Variants in C9orf85 observed in about 807,000 individuals in gnomAD.
The protein encoded by C9orf85 is chromosome 9 open reading frame 85, also known as uncharacterized protein C9orf85.
In C9orf85, 16 loss-of-function variants were observed where a neutral mutation model predicts 14.9. The ratio of observed to expected loss-of-function variants is 1.08; its 90% CI spans 0.73 to 1.63. The LOEUF is 1.63. C9orf85 is among the 40% of genes most tolerant of loss of function. The probability of loss-of-function intolerance (pLI) is 0.00; values close to 1 mark genes in which losing one functional copy is unlikely to be tolerated. For missense variants in C9orf85, 172 were observed against 186.1 expected (o/e 0.92, Z 0.44); for synonymous variants, 45 against 56.8 (o/e 0.79, Z 0.93).
intron 1 of C9orf85, among the ~76,000 whole-genome samples, chr9:71,944,536 T>A (rs1235911372): frequency 6.6e-6 from 1 of 152,072 alleles, no homozygotes; most frequent in African/African-American, 2.4e-5. Context: ...TTAACCTTAA[T>A]TACCTATGAT....
At chr9:71,930,347 T>A (rs1033097400) in intron 1 of C9orf85, among the ~76,000 whole-genome samples, 2 of 152,130 alleles carry the variant, frequency 1.3e-5, no homozygotes, top group African/African-American at 4.8e-5. Context: ...TATAGCTATA[T>A]TTCCTTTAAT....
chr9:71,918,449 G>T, intron 1 of C9orf85: 2 of 1,303,156 alleles, frequency 1.5e-6, no homozygotes, highest in South Asian at 2.5e-5. Flanking sequence ...CTCTAGTCAT[G>T]ATGTTTGAGT....
chr9:71,980,084 G>A (rs1222275750), intron 3 of C9orf85, among the ~76,000 whole-genome samples: 1 of 150,144 alleles, frequency 6.7e-6, no homozygotes, highest in African/African-American at 2.5e-5. Context: ...CACAATCTCG[G>A]CTCACTGCAA....
intron 2 of C9orf85, among the ~76,000 whole-genome samples, chr9:71,956,532 G>A (rs7019231): frequency 0.99 from 151,325 of 152,200 alleles, 75,238 homozygotes; most frequent in Middle Eastern, 1. Context: ...TACAGGTGTG[G>A]ACCACTGCAC....
At chr9:71,937,647 T>G (rs1828223649) in intron 1 of C9orf85, among the ~76,000 whole-genome samples, 1 of 152,216 alleles carries the variant, frequency 6.6e-6, no homozygotes, top group South Asian at 2.1e-4. Context: ...TTGTTATTGG[T>G]GTTTTAAAAA....
chr9:71,913,936 A>T lies in C9orf85; in HGVS notation c.102+2100A>T, dbSNP rs186996480. Among the ~76,000 whole-genome samples, 260 of 152,292 alleles carry T rather than the reference A, an allele frequency of 1.7e-3. 2 individuals carry two copies. Among genetic ancestry groups the T allele is most frequent in the African/African-American group, 5.9e-3 (247 of 41,560 alleles). ...AAGTTATGAAAAAGTCTCATTTGTTAATCAGGAGGACCACCAGGCCACTTC... is the reference window on the plus strand; with the variant it reads ...AAGTTATGAAAAAGTCTCATTTGTTTATCAGGAGGACCACCAGGCCACTTC... On this transcript the variant is annotated intron_variant, in intron 1 of 3. Transcript: ENST00000334731.
chr9:71,966,914 A>G (rs560912408), intron 2 of C9orf85, among the ~76,000 whole-genome samples: 1 of 152,236 alleles, frequency 6.6e-6, no homozygotes, highest in Non-Finnish European at 1.5e-5. Context: ...GCCTGTTTAT[A>G]TCTGTTGTTT....
Position 71,911,681 on chromosome 9 carries a change from C to A in C9orf85, c.-54C>A. On this transcript the variant is annotated 5_prime_UTR_variant, in exon 1 of 4. Transcript: ENST00000334731. ...TTCCTGGGAGTAGTTCGTTGGTTTT[C>A]TTTCCCCTCATCCTTTTGCCTGCTC... The A allele has an allele frequency of 6.7e-7, 1 of 1,498,262 alleles. No homozygotes were observed. The highest frequency in any genetic ancestry group is 2.3e-5 in the East Asian group (1 of 44,340). The allele number at this position is 1,498,262 out of a possible 1,614,324, so 92.8% of individuals were successfully genotyped here.
At chr9:71,974,227 ATATTTTT>A (rs1009335179), downstream of C9orf85, among the ~76,000 whole-genome samples, 2 of 139,174 alleles carry the variant, frequency 1.4e-5, no homozygotes, top group Non-Finnish European at 1.5e-5. Flanking sequence ...ATGCCAGGCC[ATATTTTT>A]TATTTTTTAT....
rs60432625 is a variant in C9orf85 at position 71,956,242 on chromosome 9, GTTTTTTT to G, written c.209+9149_209+9155del. Among the ~76,000 whole-genome samples the G allele has an allele frequency of 3.3e-4, 17 of 51,014 alleles. 1 individual carries two copies. The highest frequency in any genetic ancestry group is 1.1e-4 in the Non-Finnish European group (3 of 26,826). The allele number at this position is 51,014 out of a possible 152,430, so 33.5% of individuals were successfully genotyped here. A position where few individuals can be genotyped will look rare whatever the true frequency, so the allele number is the denominator to read the frequency against. ...TGGTAATAGGAAGGGGAATGCAAAA[GTTTTTTT>G]TTTTTTTTTTTTTTTTTTGAGACAG... is the stretch of plus-strand genomic sequence containing the variant. On this transcript the variant is annotated intron_variant, in intron 2 of 3. Coordinates refer to ENST00000334731, the MANE Select transcript of C9orf85 (RefSeq NM_182505.5).
intron 2 of C9orf85, among the ~76,000 whole-genome samples, chr9:71,958,446 G>C (rs2132331460): frequency 6.6e-6 from 1 of 151,710 alleles, no homozygotes. Flanking sequence ...ATTTTTAGTA[G>C]AGACAGGGTT....
At chr9:71,957,429 TACTC>T (rs1822407879) in intron 2 of C9orf85, among the ~76,000 whole-genome samples, 1 of 152,188 alleles carries the variant, frequency 6.6e-6, no homozygotes, top group African/African-American at 2.4e-5. Flanking sequence ...AATATCATAT[TACTC>T]AGTGAAAAAC....
intron 2 of C9orf85, among the ~76,000 whole-genome samples, chr9:71,951,577 T>C (rs1822247434): frequency 6.6e-6 from 1 of 152,134 alleles, no homozygotes; most frequent in African/African-American, 2.4e-5. Context: ...GCTGTCAGTA[T>C]CTCCCTTGAC....
At chr9:71,936,458 CT>C (rs66907913) in intron 1 of C9orf85, among the ~76,000 whole-genome samples, 127,102 of 150,898 alleles carry the variant, frequency 0.84, 53,853 homozygotes, top group East Asian at 0.93. Context: ...TGTAGAGAGT[CT>C]TTTTTTTTTC....
intron 1 of C9orf85, chr9:71,918,518 G>A: frequency 9.2e-7 from 1 of 1,082,342 alleles, no homozygotes; most frequent in Non-Finnish European, 1.3e-6. Context: ...TCCATGGCCT[G>A]TCAGGAACTG....
intron 2 of C9orf85, among the ~76,000 whole-genome samples, chr9:71,963,089 A>C (rs1822566629): frequency 6.6e-6 from 1 of 152,216 alleles, no homozygotes; most frequent in South Asian, 2.1e-4. Flanking sequence ...CTATGACAAC[A>C]GTGTCATAAA....
At chr9:71,962,145 G>A (rs912423632) in intron 2 of C9orf85, among the ~76,000 whole-genome samples, 6 of 152,098 alleles carry the variant, frequency 3.9e-5, no homozygotes, top group African/African-American at 9.7e-5. Context: ...CAGCCTGGGC[G>A]ACAGAGTGAG....
chr9:71,976,846 C>T (rs1045280073), downstream of C9orf85, among the ~76,000 whole-genome samples: 2 of 151,858 alleles, frequency 1.3e-5, no homozygotes, highest in African/African-American at 4.8e-5. Context: ...GAATATAGTA[C>T]CCCCGTTGTC....
Position 71,942,446 on chromosome 9 carries a change from C to T in C9orf85, c.103-4560C>T, listed in dbSNP as rs546036588. On this transcript the variant is annotated intron_variant, in intron 1 of 3. Transcript: ENST00000334731. The stretch of plus-strand genomic sequence containing the variant: ...GCCCATCTCTAACAAGTGCACTTTC[C>T]AGCTGCACTCCTGACTGCTTTGTAA... Among the ~76,000 whole-genome samples the T allele has an allele frequency of 1.5e-3, 227 of 152,286 alleles. 1 individual carries two copies. Among genetic ancestry groups the T allele is most frequent in the Admixed American group, 3.9e-3 (60 of 15,296 alleles).
Sources: allele counts gnomAD v4.1 joint callset (sites outside exome capture counted in the v4.1 genomes callset), GRCh38; gene constraint gnomAD v4.1.1; transcripts MANE v1.5; gene names NCBI Gene and HGNC (gene_info 2026-07-23, HGNC 2026-07-21).